Variants in APLF observed in about 807,000 individuals in gnomAD.
APLF encodes the protein aprataxin and PNKP like factor, also known as aprataxin and PNK-like factor.
In APLF, 61 loss-of-function variants were observed where a neutral mutation model predicts 55.6. The ratio of observed to expected loss-of-function variants is 1.10; its 90% CI spans 0.89 to 1.36. The LOEUF is 1.36. Among genes scored for constraint, APLF ranks in the 40% most tolerant of loss-of-function variants. The pLI is 0.00. For missense variants in APLF, 611 were observed against 602.5 expected (o/e 1.01, Z -0.15); for synonymous variants, 207 against 214.8 (o/e 0.96, Z 0.32).
chr2:68,483,201 A>G (rs1676018877), intron 1 of APLF, among the ~76,000 whole-genome samples: 1 of 152,116 alleles, frequency 6.6e-6, no homozygotes, highest in Non-Finnish European at 1.5e-5. Context: ...AGCGCATAAC[A>G]CGAGCTCCTA....
Position 68,517,951 on chromosome 2 carries a change from A to C in APLF, c.622+4271A>C, listed in dbSNP as rs184952877. Among the ~76,000 whole-genome samples, 649 of 142,780 alleles carry C rather than the reference A, an allele frequency of 4.5e-3. 7 individuals carry two copies. The highest frequency in any genetic ancestry group is 0.015 in the African/African-American group (606 of 39,376). The allele number at this position is 142,780 out of a possible 152,430, so 93.7% of individuals were successfully genotyped here. The stretch of plus-strand genomic sequence containing the variant: ...TGTTAATATATAACCGTAATATATC[A>C]CTAATATGTGTTAATATATAACAGT... On this transcript the variant is annotated intron_variant, in intron 5 of 9. Transcript: ENST00000303795.
At chr2:68,545,809 A>C (rs980454795) in intron 8 of APLF, among the ~76,000 whole-genome samples, 9 of 152,140 alleles carry the variant, frequency 5.9e-5, no homozygotes, top group Non-Finnish European at 1.3e-4. Context: ...TTATCTCATG[A>C]GATTATGTTT....
chr2:68,475,347 T>C (rs979157362), intron 1 of APLF, among the ~76,000 whole-genome samples: 2 of 152,244 alleles, frequency 1.3e-5, no homozygotes, highest in Non-Finnish European at 2.9e-5. Context: ...AATTTCATCA[T>C]ATTGGCTAAC....
chr2:68,577,032 AT>A (rs1180167691), intron 9 of APLF, among the ~76,000 whole-genome samples: 10 of 152,172 alleles, frequency 6.6e-5, no homozygotes, highest in Admixed American at 3.3e-4. Context: ...GAATTCTAGT[AT>A]TATAATATTA....
intron 2 of APLF, among the ~76,000 whole-genome samples, chr2:68,497,528 G>T (rs1676587057): frequency 6.6e-6 from 1 of 151,620 alleles, no homozygotes; most frequent in African/African-American, 2.4e-5. Flanking sequence ...GTTTCCTGAG[G>T]CCTCCCCAGC....
chr2:68,534,670 C>T (rs906012614), intron 6 of APLF, among the ~76,000 whole-genome samples: 1 of 152,174 alleles, frequency 6.6e-6, no homozygotes, highest in Admixed American at 6.5e-5. Flanking sequence ...GGGATTTGGC[C>T]ACTCTATCAT....
intron 7 of APLF, among the ~76,000 whole-genome samples, chr2:68,543,682 G>A (rs1002771116): frequency 1.3e-5 from 2 of 152,138 alleles, no homozygotes; most frequent in Non-Finnish European, 2.9e-5. Flanking sequence ...TACCTGAAAT[G>A]AACCCAAAAG....
In APLF at chr2:68,529,285, C is replaced by T. The variant is rs1670174444; in HGVS notation, c.804+3043C>T. The T allele has an allele frequency of 8.1e-6, 11 of 1,357,176 alleles. No homozygotes were observed. The South Asian group carries it at 1.8e-4, about 22-fold the overall frequency. 84.1% of individuals were successfully genotyped at this position (1,357,176 alleles called of 1,614,324 possible). On this transcript the variant is annotated intron_variant, in intron 6 of 9. Coordinates refer to ENST00000303795, the MANE Select transcript of APLF (RefSeq NM_173545.3). The surrounding 1 kb of genome is among the most constrained non-coding windows in gnomAD (Gnocchi z 4.4). The stretch of plus-strand genomic sequence containing the variant: ...CTGGAAAAGAAGGCCCAAGATGTCG[C>T]TGACGGTTGAAGAGGAGTGGGAAAC...
Position 68,578,354 on chromosome 2 carries a change from A to C in APLF, c.*332A>C, listed in dbSNP as rs2104092112. On this transcript the variant is annotated 3_prime_UTR_variant, in exon 10 of 10. Coordinates refer to ENST00000303795, the MANE Select transcript of APLF (RefSeq NM_173545.3). Reference sequence around the variant, plus strand: ...GTTGCATAAAACTTTGGTCTTTTTAAATTTTTTTCCAAAGATTATGGAGTA... The same window carrying C: ...GTTGCATAAAACTTTGGTCTTTTTACATTTTTTTCCAAAGATTATGGAGTA... 1 of 1,027,328 alleles carries C rather than the reference A, an allele frequency of 9.7e-7. No individual in the cohort carries two copies. Among genetic ancestry groups the C allele is most frequent in the South Asian group, 3.8e-5 (1 of 26,556 alleles). 63.6% of individuals were successfully genotyped at this position (1,027,328 alleles called of 1,614,324 possible).
intron 8 of APLF, among the ~76,000 whole-genome samples, chr2:68,563,679 T>G (rs987671886): frequency 6.6e-6 from 1 of 152,082 alleles, no homozygotes; most frequent in Non-Finnish European, 1.5e-5. Flanking sequence ...TGTACTTTAT[T>G]TAAAAAGCCT....
At chr2:68,525,298 T>TA (rs1214165262) in intron 5 of APLF, among the ~76,000 whole-genome samples, 402 of 142,934 alleles carry the variant, frequency 2.8e-3, no homozygotes, top group Middle Eastern at 3.6e-3. Context: ...TCTGTCTCAT[T>TA]AAAAAAAAAA....
In APLF at chr2:68,517,470, GTTA is replaced by G. The variant is rs199995698; in HGVS notation, c.622+3794_622+3796del. Among the ~76,000 whole-genome samples, 650 of 136,160 alleles carry G rather than the reference GTTA, an allele frequency of 4.8e-3. 3 individuals carry two copies. Among genetic ancestry groups the G allele is most frequent in the African/African-American group, 0.017 (617 of 37,124 alleles). 89.3% of individuals were successfully genotyped at this position (136,160 alleles called of 152,430 possible). A position where few individuals can be genotyped will look rare whatever the true frequency, so the allele number is the denominator to read the frequency against. On this transcript the variant is annotated intron_variant, in intron 5 of 9. Coordinates refer to ENST00000303795, the MANE Select transcript of APLF (RefSeq NM_173545.3). Reference sequence around the variant, plus strand: ...TATTACTATATATTAATATATCAATGTTATTACTATATATTAATATATCAATAT... The same window carrying G: ...TATTACTATATATTAATATATCAATGTTACTATATATTAATATATCAATAT...
intron 5 of APLF, among the ~76,000 whole-genome samples, chr2:68,521,257 A>G (rs1669889863): frequency 6.6e-6 from 1 of 151,756 alleles, no homozygotes; most frequent in Non-Finnish European, 1.5e-5. Context: ...TGGGTTTTCT[A>G]GGTATATGAT....
chr2:68,551,603 C>T (rs867461556), intron 8 of APLF, among the ~76,000 whole-genome samples: 33 of 115,718 alleles, frequency 2.9e-4, no homozygotes, highest in African/African-American at 5.5e-4. Context: ...TCTTCTTCTT[C>T]TTTTTTTTTT....
At chr2:68,480,530 C>T (rs577022937) in intron 1 of APLF, among the ~76,000 whole-genome samples, 1 of 152,058 alleles carries the variant, frequency 6.6e-6, no homozygotes, top group African/African-American at 2.4e-5. Context: ...TCTTGAACTC[C>T]TGACCTTGTG....
At chr2:68,505,091 GA>G (rs896878705) in intron 3 of APLF, among the ~76,000 whole-genome samples, 1 of 151,782 alleles carries the variant, frequency 6.6e-6, no homozygotes, top group African/African-American at 2.4e-5. Flanking sequence ...AATGTAAGTG[GA>G]AAAAAATGTC....
chr2:68,501,877 C>G (rs1421766813), intron 2 of APLF, among the ~76,000 whole-genome samples: 1 of 152,044 alleles, frequency 6.6e-6, no homozygotes, highest in Non-Finnish European at 1.5e-5. Flanking sequence ...TAACAGAATA[C>G]CTGAGGCTAG....
intron 9 of APLF, among the ~76,000 whole-genome samples, chr2:68,568,574 ATGTAAT>A (rs1393213540): frequency 6.6e-6 from 1 of 152,164 alleles, no homozygotes; most frequent in Non-Finnish European, 1.5e-5. Flanking sequence ...TCTAGAAATA[ATGTAAT>A]TGTATTTGAT....
chr2:68,533,990 G>A (rs1210136214), intron 6 of APLF, among the ~76,000 whole-genome samples: 1 of 152,184 alleles, frequency 6.6e-6, no homozygotes, highest in Admixed American at 6.5e-5. Context: ...GGTAAGGGAA[G>A]AGATTGTGGC....
Sources: allele counts gnomAD v4.1 joint callset (sites outside exome capture counted in the v4.1 genomes callset), GRCh38; gene constraint gnomAD v4.1.1; non-coding constraint Gnocchi (gnomAD v3.1); transcripts MANE v1.5; gene names NCBI Gene and HGNC (gene_info 2026-07-23, HGNC 2026-07-21).